The following LCP2 variants were observed in gnomAD, a reference collection of about 807,000 sequenced individuals.
The protein encoded by LCP2 is lymphocyte cytosolic protein 2.
A neutral mutation model predicts 74.5 loss-of-function variants in LCP2; 29 were observed. The ratio of observed to expected loss-of-function variants is 0.39; its 90% CI spans 0.29 to 0.53. The LOEUF is 0.53. LCP2 is among the 20% of genes least tolerant of loss of function. LCP2 has a pLI of 0.72. For missense variants in LCP2, 604 were observed against 634.6 expected, an observed-to-expected ratio of 0.95 and a Z score of 0.52; for synonymous variants, 228 against 229.5, an observed-to-expected ratio of 0.99 and a Z score of 0.06.
rs1483096770 is a variant in LCP2 at position 170,252,256 on chromosome 5, G to A, written c.1323+178C>T. On this transcript the variant is annotated intron_variant, in intron 19 of 20. Coordinates refer to ENST00000046794, the MANE Select transcript of LCP2 (RefSeq NM_005565.5). ...CCAGCCTAATGATTCCCGAGCCTAG[G>A]AATCCCTGCTATGGGTGCTGGTAGT... 7.2e-6 allele frequency: 3 copies of A among 414,384 alleles called. No individual in the cohort carries two copies. The East Asian group carries it at 1.0e-4, about 14-fold the overall frequency. The allele number at this position is 414,384 out of a possible 1,614,324, so 25.7% of individuals were successfully genotyped here. A position where few individuals can be genotyped will look rare whatever the true frequency, so the allele number is the denominator to read the frequency against.
In LCP2 at chr5:170,297,465, T is replaced by C. The variant is rs1026795132; in HGVS notation, c.78+69A>G. 5 of 1,388,942 alleles carry C rather than the reference T, an allele frequency of 3.6e-6. No homozygotes were observed. In the African/African-American group the frequency reaches 7.1e-5, roughly 20 times the overall value. 86.0% of individuals were successfully genotyped at this position (1,388,942 alleles called of 1,614,324 possible). ...CCTCCCACATTCTGCCCCAATTCCA[T>C]CGTCAAGCCTCAGCTCAGCCCACCA... is the stretch of plus-strand genomic sequence containing the variant. On this transcript the variant is annotated intron_variant, in intron 1 of 20. Transcript: ENST00000046794.
chr5:170,281,526 C>T (rs4256361), intron 3 of LCP2, among the ~76,000 whole-genome samples: 17,447 of 152,202 alleles, frequency 0.11, 1,150 homozygotes, highest in Non-Finnish European at 0.15. Context: ...GTGATCCGCC[C>T]GCCTTGGCCT....
At chr5:170,289,851 G>A (rs1762259548) in intron 2 of LCP2, among the ~76,000 whole-genome samples, 2 of 151,084 alleles carry the variant, frequency 1.3e-5, no homozygotes, top group Non-Finnish European at 1.5e-5. Flanking sequence ...TGTGGTGTGA[G>A]GAGTTGAAGC....
At chr5:170,248,936 G>T in intron 20 of LCP2, 117 bp from the exon 21 acceptor site, 1 of 1,001,268 alleles carries the variant, frequency 1.0e-6, no homozygotes, top group Non-Finnish European at 1.5e-6. Context: ...GGATTGTGGG[G>T]GGAAAAAATG....
intron 1 of LCP2, among the ~76,000 whole-genome samples, chr5:170,296,700 G>A (rs531180590): frequency 7.9e-5 from 12 of 152,288 alleles, no homozygotes; most frequent in South Asian, 4.1e-4. Flanking sequence ...AAGCAGATGC[G>A]TTGTCCCCTT....
chr5:170,290,474 T>C (rs1263276533), intron 2 of LCP2, among the ~76,000 whole-genome samples: 2 of 152,202 alleles, frequency 1.3e-5, no homozygotes, highest in Non-Finnish European at 2.9e-5. Context: ...CAAAGTCTGC[T>C]GGATGGAGCT....
chr5:170,254,476 AG>A (rs993328366), intron 17 of LCP2, among the ~76,000 whole-genome samples: 7 of 152,290 alleles, frequency 4.6e-5, no homozygotes, highest in African/African-American at 1.7e-4. Context: ...AAGTCTCCTG[AG>A]CCACATCAAC....
intron 3 of LCP2, 156 bp downstream of exon 3, chr5:170,287,814 C>A: frequency 1.4e-6 from 1 of 703,586 alleles, no homozygotes; most frequent in Non-Finnish European, 2.5e-6. Context: ...CTTCATGTAA[C>A]TTCTGTTCCC....
At chr5:170,273,920 CG>C (rs3833445) in intron 6 of LCP2, 34,618 of 85,962 alleles carry the variant, frequency 0.4, 5,233 homozygotes, top group Admixed American at 0.55. Flanking sequence ...TTTTTGGAGA[CG>C]GGGGGGTAGT....
intron 8 of LCP2, among the ~76,000 whole-genome samples, chr5:170,267,621 C>T (rs572614426): frequency 6.6e-6 from 1 of 151,508 alleles, no homozygotes; most frequent in Non-Finnish European, 1.5e-5. Flanking sequence ...TTCCGTCCCC[C>T]GAACCACACA....
At chr5:170,262,512 C>A in intron 13 of LCP2, 123 bp downstream of exon 13, 3 of 665,882 alleles carry the variant, frequency 4.5e-6, no homozygotes, top group Admixed American at 2.9e-5. Context: ...CAAGCCACAG[C>A]AAGAAAAGGC....
At position 170,253,182 on chromosome 5, in the gene LCP2, T is replaced by C; in HGVS notation, c.1182A>G (p.Glu394=). The change falls in exon 18 of 21, where the codon GAA becomes GAG. Residue 394 remains glutamate, a synonymous_variant. Coordinates refer to ENST00000046794, the MANE Select transcript of LCP2 (RefSeq NM_005565.5). ...GAAGTGGCAAGGGGAAGTTTCTGCC[T>C]TCGGCTCTGATAGGTGGTCTGTTGC... ...GPSNRPPIRA[E]GRNFPLPLPN... 1 of 1,610,882 alleles carries C rather than the reference T, an allele frequency of 6.2e-7. No individual in the cohort carries two copies. The highest frequency in any genetic ancestry group is 8.5e-7 in the Non-Finnish European group (1 of 1,178,380).
chr5:170,270,818 C>G lies in LCP2; in HGVS notation c.424G>C (p.Asp142His). The G allele has an allele frequency of 6.2e-7, 1 of 1,612,250 alleles. No individual in the cohort carries two copies. The highest frequency in any genetic ancestry group is 8.5e-7 in the Non-Finnish European group (1 of 1,179,140). ...NEEEEAPVED[D>H]ADYEPPPSND... ...GAGGGTGGCGGCTCATAATCCGCGT[C>G]ATCTTCCACGGGTGCCTCTTCCTCC... The change falls in exon 7 of 21, where the codon GAC (aspartate) becomes CAC (histidine). Residue 142 changes from aspartate to histidine, a missense_variant. Asp to His is a moderately conservative substitution (Grantham distance 81, BLOSUM62 -1). Transcript: ENST00000046794.
intron 16 of LCP2, among the ~76,000 whole-genome samples, chr5:170,257,331 G>C (rs1041718968): frequency 8.5e-5 from 13 of 152,168 alleles, no homozygotes; most frequent in Non-Finnish European, 2.9e-5. Context: ...AGGGTCCCAG[G>C]GCAGAGGAAA....
intron 6 of LCP2, among the ~76,000 whole-genome samples, chr5:170,272,597 C>CTTTTTTTTT (rs61463939): frequency 0.016 from 634 of 40,366 alleles, 169 homozygotes; most frequent in Non-Finnish European, 0.021. Context: ...CAAATATTTT[C>CTTTTTTTTT]TTTTTTTTTT....
intron 7 of LCP2, among the ~76,000 whole-genome samples, chr5:170,268,903 G>A (rs1040934857): frequency 1.3e-5 from 2 of 152,148 alleles, no homozygotes; most frequent in African/African-American, 2.4e-5. Flanking sequence ...GCATATATAT[G>A]CACACACCTG....
chr5:170,262,690 T>G lies in LCP2; in HGVS notation c.871A>C (p.Thr291Pro). ...KIQKPPLPPT[T>P]ERHERSSPLP... is the part of the protein sequence containing the mutation. ...GGGCTGCTCCTTTCATGTCTTTCCG[T>G]GGTCGGTGGTAAAGGAGGCTTTTGA... The change falls in exon 13 of 21, where the codon ACG (threonine) becomes CCG (proline). Residue 291 changes from threonine (T) to proline (P), a missense_variant. Transcript: ENST00000046794. The G allele has an allele frequency of 6.2e-7, 1 of 1,613,994 alleles. No homozygotes were observed. The highest frequency in any genetic ancestry group is 8.5e-7 in the Non-Finnish European group (1 of 1,179,872).
chr5:170,263,974 A>ATT (rs1469412019), intron 10 of LCP2, among the ~76,000 whole-genome samples: 53 of 152,332 alleles, frequency 3.5e-4, no homozygotes, highest in African/African-American at 1.2e-3. Flanking sequence ...AGCCAGAGGG[A>ATT]AAAGCACTCA....
intron 3 of LCP2, among the ~76,000 whole-genome samples, chr5:170,281,553 T>C (rs1762106242): frequency 6.6e-6 from 1 of 152,230 alleles, no homozygotes; most frequent in South Asian, 2.1e-4. Flanking sequence ...GTGCTGGGAT[T>C]ACAGGCATTT....
Sources: gnomAD v4.1 joint callset for allele counts (sites outside exome capture counted in the v4.1 genomes callset) on GRCh38, gnomAD v4.1.1 for gene constraint, MANE v1.5 for transcripts, NCBI Gene and HGNC (gene_info 2026-07-23, HGNC 2026-07-21) for gene names.